Variants in PDP1 observed in about 807,000 individuals in gnomAD.
PDP1 encodes the protein pyruvate dehydrogenase phosphatase catalytic subunit 1.
A neutral mutation model predicts 37.1 loss-of-function variants in PDP1; 14 were observed. That is an observed-to-expected ratio of 0.38 (90% CI 0.25 to 0.59). The LOEUF (loss-of-function observed/expected upper bound fraction) is 0.59, where lower values mean the gene tolerates loss of function less well. Ranked by LOEUF, PDP1 falls within the 20% of genes least tolerant of loss-of-function variation. The pLI, the probability that PDP1 is intolerant of heterozygous loss-of-function variation, is 0.67. For missense variants in PDP1, 544 were observed against 655.3 expected, an observed-to-expected ratio of 0.83 and a Z score of 1.85; for synonymous variants, 251 against 243.3, an observed-to-expected ratio of 1.03 and a Z score of -0.29.
rs758604713 is a variant in PDP1, at chr8:93,922,945, C to G, written c.886C>G (p.Leu296Val). The change falls in exon 2 of 2, where the codon CTG (leucine) becomes GTG (valine). Residue 296 changes from leucine (L) to valine (V), a missense_variant. Physicochemically the swap from Leu to Val is conservative, Grantham distance 32. Transcript: ENST00000297598. This position sits in a 1 kb window ranked among gnomAD's most constrained non-coding sequence, Gnocchi z 4.0. ...CAATACTGGCGATAGCAGAGCCATG[C>G]TGGGTGTGCAGGAAGAGGACGGCTC... ...VANTGDSRAM[L>V]GVQEEDGSWS... 1.2e-6 allele frequency: 2 copies of G among 1,614,106 alleles called. No homozygotes were observed. The highest frequency in any genetic ancestry group is 8.5e-7 in the Non-Finnish European group (1 of 1,180,008).
At position 93,922,825 on chromosome 8, in the gene PDP1, C is replaced by A; in HGVS notation, c.766C>A (p.Pro256Thr). ...CTCCTTGGAGGCGCAAGTTGGTGATCCTAATTCTTTTCTCAACTACCTGGT... is the reference window on the plus strand; with the variant it reads ...CTCCTTGGAGGCGCAAGTTGGTGATACTAATTCTTTTCTCAACTACCTGGT... The part of the protein sequence containing the change: ...DISLEAQVGD[P>T]NSFLNYLVLR... The change falls in exon 2 of 2, where the codon CCT becomes ACT. Residue 256 changes from proline to threonine, a missense_variant. This residue lies in a region of PDP1 where 342 missense variants were observed against 414.0 expected (regional missense o/e 0.83). Transcript: ENST00000297598. This position sits in a 1 kb window ranked among gnomAD's most constrained non-coding sequence, Gnocchi z 4.0. The A allele has an allele frequency of 6.2e-7, 1 of 1,614,170 alleles. No homozygotes were observed. Among genetic ancestry groups the A allele is most frequent in the Admixed American group, 1.7e-5 (1 of 60,020 alleles).
At chr8:93,919,119 G>C in intron 1 of PDP1, 1 of 980,760 alleles carries the variant, frequency 1.0e-6, no homozygotes, top group East Asian at 1.1e-4. Context: ...AAGGAAAAAT[G>C]TAGTGGAGAA....
chr8:93,918,347 A>T (rs1810153121), intron 1 of PDP1, among the ~76,000 whole-genome samples: 1 of 152,206 alleles, frequency 6.6e-6, no homozygotes, highest in Admixed American at 6.5e-5. Flanking sequence ...TTTCATTTAC[A>T]TCAGAAGCTT....
At position 93,916,960 on chromosome 8, in the gene PDP1, CG is replaced by C; in HGVS notation, c.-159del. 6.6e-6 allele frequency: 3 copies of C among 453,590 alleles called. No individual in the cohort carries two copies. The highest frequency in any genetic ancestry group is 9.6e-5 in the East Asian group (1 of 10,432). 28.1% of individuals were successfully genotyped at this position (453,590 alleles called of 1,614,324 possible). A position where few individuals can be genotyped will look rare whatever the true frequency, so the allele number is the denominator to read the frequency against. Reference sequence around the variant, plus strand: ...CGGTAGGGGAGCAGAGTGGGCAGGCCGGGGGTGAGGGCTCGCGCTCCGGGAG... The same window carrying C: ...CGGTAGGGGAGCAGAGTGGGCAGGCCGGGGTGAGGGCTCGCGCTCCGGGAG... On this transcript the variant is annotated 5_prime_UTR_variant, in exon 1 of 2. Transcript: ENST00000297598.
chr8:93,923,374 G>A lies in PDP1; in HGVS notation c.1315G>A (p.Gly439Ser), dbSNP rs1369041122. Residue 439 changes from glycine to serine, a missense_variant, in exon 2 of 2, where the codon GGC (glycine) becomes AGC (serine). Physicochemically the swap from Gly to Ser is moderately conservative, Grantham distance 56. This residue lies in a region of PDP1 where 159 missense variants were observed against 165.5 expected (regional missense o/e 0.96). Coordinates refer to ENST00000297598, the MANE Select transcript of PDP1 (RefSeq NM_018444.4). The surrounding 1 kb of genome is among the most constrained non-coding windows in gnomAD (Gnocchi z 4.3). ...VVRIVGEYLTGMHHQQPIAVG... is the reference protein window; with the variant it reads ...VVRIVGEYLTSMHHQQPIAVG... ...TAGGATTGTGGGTGAGTACCTAACT[G>A]GCATGCATCACCAACAGCCAATAGC... 1 of 1,612,400 alleles carries A rather than the reference G, an allele frequency of 6.2e-7. No homozygotes were observed. The highest frequency in any genetic ancestry group is 8.5e-7 in the Non-Finnish European group (1 of 1,178,660).
Position 93,922,337 on chromosome 8 carries a change from A to G in PDP1, c.278A>G (p.Glu93Gly). Residue 93 changes from glutamate (E) to glycine (G), a missense_variant, in exon 2 of 2, where the codon GAA becomes GGA. Transcript: ENST00000297598. The surrounding 1 kb of genome is among the most constrained non-coding windows in gnomAD (Gnocchi z 4.0). The part of the protein sequence containing the change: ...PQVNSILKAN[E>G]YSFKVPEFDG... ...GTCAATAGCATCCTTAAAGCTAATG[A>G]ATACAGTTTCAAAGTGCCAGAATTT... 1.2e-6 allele frequency: 2 copies of G among 1,614,234 alleles called. No homozygotes were observed. Among genetic ancestry groups the G allele is most frequent in the Non-Finnish European group, 1.7e-6 (2 of 1,180,036 alleles).
intron 1 of PDP1, chr8:93,918,008 A>G: frequency 1.9e-6 from 3 of 1,585,096 alleles, no homozygotes; most frequent in African/African-American, 1.3e-5. Flanking sequence ...ATTTTTGTGT[A>G]TGGATGGTTT....
intron 1 of PDP1, chr8:93,921,445 G>T (rs1300282679): frequency 2.4e-6 from 1 of 410,052 alleles, no homozygotes; most frequent in Non-Finnish European, 3.3e-6. Context: ...GCATATTACT[G>T]TAGTCATATA....
At chr8:93,919,399 T>G (rs950115502) in intron 1 of PDP1, among the ~76,000 whole-genome samples, 1 of 152,038 alleles carries the variant, frequency 6.6e-6, no homozygotes, top group African/African-American at 2.4e-5. Flanking sequence ...GGAGAATCGC[T>G]TGAACCAGGG....
intron 1 of PDP1, among the ~76,000 whole-genome samples, chr8:93,917,463 G>A (rs1810105723): frequency 6.6e-6 from 1 of 151,828 alleles, no homozygotes; most frequent in Middle Eastern, 3.2e-3. Context: ...CTGGCAGCCT[G>A]ACACCGGCCG....
intron 1 of PDP1, chr8:93,917,747 A>T: frequency 7.9e-7 from 1 of 1,268,286 alleles, no homozygotes. Context: ...CTCCCAGCCC[A>T]TTCACCGGGC....
At chr8:93,921,563 G>A (rs1309511076) in intron 1 of PDP1, 1 of 158,212 alleles carries the variant, frequency 6.3e-6, no homozygotes. Context: ...ACAGGTCTAT[G>A]TAAAGGGTCT....
chr8:93,921,717 T>C (rs1810276862), intron 1 of PDP1: 1 of 249,150 alleles, frequency 4.0e-6, no homozygotes, highest in Non-Finnish European at 7.7e-6. Context: ...CCCAGCCAAA[T>C]CTGTTGTACA....
chr8:93,923,880 G>T lies in PDP1; in HGVS notation c.*207G>T, dbSNP rs1810364983. 2 of 553,832 alleles carry T rather than the reference G, an allele frequency of 3.6e-6. No homozygotes were observed. The highest frequency in any genetic ancestry group is 3.1e-5 in the Admixed American group (1 of 32,596). 34.3% of individuals were successfully genotyped at this position (553,832 alleles called of 1,614,324 possible). On this transcript the variant is annotated 3_prime_UTR_variant, in exon 2 of 2. Coordinates refer to ENST00000297598, the MANE Select transcript of PDP1 (RefSeq NM_018444.4). This position sits in a 1 kb window ranked among gnomAD's most constrained non-coding sequence, Gnocchi z 4.3. ...GGTCCTGCCTAGCTCAGATTTCATG[G>T]CACCTGCACTTGAAGCAAGTCACTT...
chr8:93,923,770 T>G lies in PDP1; in HGVS notation c.*97T>G. ...TATAATAAACATTTCCAGTTGGTCA[T>G]TCTAAGCATTTACCCTTTTGATACT... On this transcript the variant is annotated 3_prime_UTR_variant, in exon 2 of 2. Transcript: ENST00000297598. The surrounding 1 kb of genome is among the most constrained non-coding windows in gnomAD (Gnocchi z 4.3). The G allele has an allele frequency of 9.7e-7, 1 of 1,030,748 alleles. No homozygotes were observed. The highest frequency in any genetic ancestry group is 1.5e-6 in the Non-Finnish European group (1 of 656,298). The allele number at this position is 1,030,748 out of a possible 1,614,324, so 63.9% of individuals were successfully genotyped here.
Position 93,922,906 on chromosome 8 carries a change from G to C in PDP1, c.847G>C (p.Asp283His). The C allele has an allele frequency of 6.2e-7, 1 of 1,614,206 alleles. No individual in the cohort carries two copies. The highest frequency in any genetic ancestry group is 8.5e-7 in the Non-Finnish European group (1 of 1,180,038). ...TTGTGTGGCCCATGTGGATGGTGTTGACCTTCATGTGGCCAATACTGGCGA... is the reference window on the plus strand; with the variant it reads ...TTGTGTGGCCCATGTGGATGGTGTTCACCTTCATGTGGCCAATACTGGCGA... ...TACVAHVDGV[D>H]LHVANTGDSR... The change falls in exon 2 of 2, where the codon GAC becomes CAC. Residue 283 changes from aspartate to histidine, a missense_variant. This residue lies in a region of PDP1 where 342 missense variants were observed against 414.0 expected (regional missense o/e 0.83). Coordinates refer to ENST00000297598, the MANE Select transcript of PDP1 (RefSeq NM_018444.4). The surrounding 1 kb of genome is among the most constrained non-coding windows in gnomAD (Gnocchi z 4.0).
Position 93,922,658 on chromosome 8 carries a change from T to G in PDP1, c.599T>G (p.Phe200Cys). 1 of 1,614,122 alleles carries G rather than the reference T, an allele frequency of 6.2e-7. No homozygotes were observed. The highest frequency in any genetic ancestry group is 8.5e-7 in the Non-Finnish European group (1 of 1,180,020). Residue 200 changes from phenylalanine (F) to cysteine (C), a missense_variant, in exon 2 of 2, where the codon TTT (phenylalanine) becomes TGT (cysteine). By Grantham distance (205) the Phe-to-Cys change is radical. This residue lies in a region of PDP1 where 342 missense variants were observed against 414.0 expected (regional missense o/e 0.83). Transcript: ENST00000297598. This position sits in a 1 kb window ranked among gnomAD's most constrained non-coding sequence, Gnocchi z 4.0. ...TGGCACAAGCACCCCAATGATTACT[T>G]TAGTAAGGAGGCATCCAAATTGTAC... ...LQWHKHPNDYFSKEASKLYFN... is the reference protein window; with the variant it reads ...LQWHKHPNDYCSKEASKLYFN...
chr8:93,922,354 C>T lies in PDP1; in HGVS notation c.295C>T (p.Pro99Ser). The change falls in exon 2 of 2, where the codon CCA becomes TCA. Residue 99 changes from proline to serine, a missense_variant. By Grantham distance (74) the Pro-to-Ser change is moderately conservative (BLOSUM62 -1). Coordinates refer to ENST00000297598, the MANE Select transcript of PDP1 (RefSeq NM_018444.4). The surrounding 1 kb of genome is among the most constrained non-coding windows in gnomAD (Gnocchi z 4.0). Reference sequence around the variant, plus strand: ...AGCTAATGAATACAGTTTCAAAGTGCCAGAATTTGACGGCAAAAATGTCAG... The same window carrying T: ...AGCTAATGAATACAGTTTCAAAGTGTCAGAATTTGACGGCAAAAATGTCAG... ...LKANEYSFKV[P>S]EFDGKNVSSI... 1 of 1,614,174 alleles carries T rather than the reference C, an allele frequency of 6.2e-7. No homozygotes were observed. The highest frequency in any genetic ancestry group is 8.5e-7 in the Non-Finnish European group (1 of 1,180,006).
rs1810351741 is a variant in PDP1 at position 93,923,523 on chromosome 8, C to T, written c.1464C>T (p.Gly488=). The T allele has an allele frequency of 6.2e-7, 1 of 1,607,682 alleles. No individual in the cohort carries two copies. Among genetic ancestry groups the T allele is most frequent in the African/African-American group, 1.3e-5 (1 of 74,920 alleles). The change falls in exon 2 of 2, where the codon GGC becomes GGT. Residue 488 remains glycine (G), a synonymous_variant. Transcript: ENST00000297598. This position sits in a 1 kb window ranked among gnomAD's most constrained non-coding sequence, Gnocchi z 4.3. The part of the protein sequence containing the change: ...AATHLIRHAV[G]NNEFGTVDHE... The stretch of plus-strand genomic sequence containing the variant: ...CCCATCTCATTCGCCACGCTGTGGG[C>T]AACAACGAGTTTGGGACTGTTGATC...
Sources: allele counts gnomAD v4.1 joint callset (sites outside exome capture counted in the v4.1 genomes callset), GRCh38; gene constraint gnomAD v4.1.1; regional missense constraint gnomAD v4.1.1; non-coding constraint Gnocchi (gnomAD v3.1); transcripts MANE v1.5; gene names NCBI Gene and HGNC (gene_info 2026-07-23, HGNC 2026-07-21).